The following ZNF695 variants were observed in gnomAD, a reference collection of about 807,000 sequenced individuals.
ZNF695 encodes zinc finger protein SBZF3.
In ZNF695, 11 loss-of-function variants were observed where a neutral mutation model predicts 11.2. That is an observed-to-expected ratio of 0.98 (90% CI 0.62 to 1.62). The LOEUF (loss-of-function observed/expected upper bound fraction) is 1.62, where lower values mean the gene tolerates loss of function less well. Among genes scored for constraint, ZNF695 ranks in the 40% most tolerant of loss-of-function variants. ZNF695 has a pLI of 0.00. For missense variants in ZNF695, 559 were observed against 590.5 expected (o/e 0.95, Z 0.55); for synonymous variants, 190 against 201.4 (o/e 0.94, Z 0.48).
chr1:246,999,292 C>T, intron 3 of ZNF695, 56 bp downstream of exon 3: 1 of 1,423,516 alleles, frequency 7.0e-7, no homozygotes, highest in Non-Finnish European at 9.9e-7. Context: ...TAAAGTCTGG[C>T]TTCTTCCTTG....
intron 5 of ZNF695, among the ~76,000 whole-genome samples, chr1:246,965,477 C>G (rs1668265589): frequency 1.3e-5 from 2 of 152,190 alleles, no homozygotes; most frequent in Non-Finnish European, 2.9e-5. Flanking sequence ...TGGCTCACGC[C>G]TGTAATCCCA....
chr1:247,007,848 C>T, intron 1 of ZNF695, 58 bp downstream of exon 1: 2 of 1,502,216 alleles, frequency 1.3e-6, no homozygotes, highest in South Asian at 2.6e-5. Context: ...CCAGCCAATT[C>T]CAACCGATTC....
intron 5 of ZNF695, among the ~76,000 whole-genome samples, chr1:246,954,849 A>T (rs1667949010): frequency 6.6e-6 from 1 of 152,230 alleles, no homozygotes; most frequent in Admixed American, 6.5e-5. Flanking sequence ...ATCTCAGGAT[A>T]CATTCTGAGA....
intron 4 of ZNF695, among the ~76,000 whole-genome samples, chr1:246,975,436 C>T (rs1157515477): frequency 6.6e-6 from 1 of 152,166 alleles, no homozygotes; most frequent in Non-Finnish European, 1.5e-5. Context: ...TTTCTGCCTT[C>T]TAGAAGCTTA....
At chr1:247,001,999 A>T (rs952021512) in intron 1 of ZNF695, among the ~76,000 whole-genome samples, 1 of 152,100 alleles carries the variant, frequency 6.6e-6, no homozygotes, top group Admixed American at 6.5e-5. Context: ...CGTAATACAC[A>T]TCTACAGAAC....
At chr1:246,998,805 A>G (rs772139335) in intron 3 of ZNF695, among the ~76,000 whole-genome samples, 1 of 152,070 alleles carries the variant, frequency 6.6e-6, no homozygotes, top group Non-Finnish European at 1.5e-5. Context: ...GTCTCTACTA[A>G]AGTACAAAAT....
intron 1 of ZNF695, among the ~76,000 whole-genome samples, chr1:247,002,950 T>C (rs1483416587): frequency 1.3e-5 from 2 of 152,132 alleles, no homozygotes; most frequent in African/African-American, 4.8e-5. Context: ...TGGTTATAAT[T>C]AGAAAGTCAA....
chr1:246,998,693 C>T (rs113256883), intron 3 of ZNF695, among the ~76,000 whole-genome samples: 22,059 of 152,154 alleles, frequency 0.14, 1,759 homozygotes, highest in Middle Eastern at 0.21. Flanking sequence ...TTAGGCCGGG[C>T]GCGGTGGCTC....
At position 246,988,010 on chromosome 1, in the gene ZNF695, C is replaced by T; in HGVS notation, c.505G>A (p.Ala169Thr). The change falls in exon 4 of 4, where the codon GCA becomes ACA. Residue 169 changes from alanine to threonine, a missense_variant. Coordinates refer to ENST00000339986, the MANE Select transcript of ZNF695 (RefSeq NM_020394.5). ...CTTATCTTACATTTATTTAGATTTG[C>T]AAATTTACTAAAACCTTTCACACAT... ...NKCVKGFSKF[A>T]NLNKCKISHT... 1 of 1,595,570 alleles carries T rather than the reference C, an allele frequency of 6.3e-7. No homozygotes were observed.
chr1:246,973,045 C>CATATATAT (rs35647542), intron 4 of ZNF695, among the ~76,000 whole-genome samples: 11 of 145,830 alleles, frequency 7.5e-5, no homozygotes, highest in African/African-American at 1.5e-4. Context: ...ACACTAAGAA[C>CATATATAT]ATATATATAT....
At chr1:246,949,539 C>A (rs914130955) in intron 5 of ZNF695, among the ~76,000 whole-genome samples, 1 of 149,810 alleles carries the variant, frequency 6.7e-6, no homozygotes, top group Non-Finnish European at 1.5e-5. Flanking sequence ...TGCAGTGAGC[C>A]GAGATCATGC....
intron 3 of ZNF695, among the ~76,000 whole-genome samples, chr1:246,998,341 C>T (rs1669265786): frequency 6.6e-6 from 1 of 152,136 alleles, no homozygotes; most frequent in African/African-American, 2.4e-5. Context: ...AACGACCCAG[C>T]ATATTTAAGA....
chr1:246,972,274 C>T (rs1415619828), intron 4 of ZNF695, among the ~76,000 whole-genome samples: 1 of 152,172 alleles, frequency 6.6e-6, no homozygotes, highest in Non-Finnish European at 1.5e-5. Context: ...AGGCACTTGG[C>T]TCACAATGCC....
chr1:246,989,125 C>T (rs1206824803), intron 3 of ZNF695, among the ~76,000 whole-genome samples: 6 of 147,594 alleles, frequency 4.1e-5, no homozygotes, highest in Non-Finnish European at 7.4e-5. Context: ...ATTAATTGGG[C>T]GTGGTGGCGC....
intron 4 of ZNF695, among the ~76,000 whole-genome samples, chr1:246,977,133 T>C (rs1053498402): frequency 2.0e-5 from 3 of 152,346 alleles, no homozygotes; most frequent in East Asian, 3.9e-4. Context: ...TGTAAGAGCG[T>C]TGTGCCAGCT....
intron 5 of ZNF695, among the ~76,000 whole-genome samples, chr1:246,949,671 C>G (rs1043251125): frequency 6.6e-6 from 1 of 151,922 alleles, no homozygotes; most frequent in Admixed American, 6.6e-5. Context: ...TGTTCTTATT[C>G]TTACAGGTTC....
At chr1:246,973,138 C>T (rs1458274293) in intron 4 of ZNF695, among the ~76,000 whole-genome samples, 2 of 151,968 alleles carry the variant, frequency 1.3e-5, no homozygotes, top group African/African-American at 2.4e-5. Context: ...CAACCTCCAC[C>T]TCCCAGGTTC....
chr1:246,981,200 AACG>A (rs1335209604), downstream of ZNF695, among the ~76,000 whole-genome samples: 5 of 152,224 alleles, frequency 3.3e-5, no homozygotes, highest in African/African-American at 4.8e-5. Context: ...CTCTTGTTAG[AACG>A]ACTATAATCA....
chr1:246,957,511 C>T (rs1249346551), intron 5 of ZNF695, among the ~76,000 whole-genome samples: 1 of 152,044 alleles, frequency 6.6e-6, no homozygotes, highest in Non-Finnish European at 1.5e-5. Flanking sequence ...CTATATTGGA[C>T]TATTCTTTTC....
Sources: gnomAD v4.1 joint callset for allele counts (sites outside exome capture counted in the v4.1 genomes callset) on GRCh38, gnomAD v4.1.1 for gene constraint, MANE v1.5 for transcripts, NCBI Gene and HGNC (gene_info 2026-07-23, HGNC 2026-07-21) for gene names.